The following NR2E3 variants were observed in gnomAD, a reference collection of about 807,000 sequenced individuals.
NR2E3 encodes the protein photoreceptor-specific nuclear receptor.
In NR2E3, 38 loss-of-function variants were observed where a neutral mutation model predicts 37.6. The observed-to-expected ratio is 1.01, with a 90% CI of 0.78 to 1.33. NR2E3 has a LOEUF of 1.33. NR2E3 is among the 40% of genes most tolerant of loss of function. The probability of loss-of-function intolerance (pLI) is 0.00; values close to 1 mark genes in which losing one functional copy is unlikely to be tolerated. For missense variants in NR2E3, 562 were observed against 558.7 expected (o/e 1.01, Z -0.06); for synonymous variants, 235 against 225.1 (o/e 1.04, Z -0.39).
In NR2E3 at chr15:71,818,017, AGTTCAGG is replaced by A. The variant is rs2054241088; in HGVS notation, c.*334_*340del. ...CCAGGCCGAAGTTCCATTTATGCAG[AGTTCAGG>A]AACAGGCAAGACTAATTGACAATAA... On this transcript the variant is annotated 3_prime_UTR_variant, in exon 8 of 8. Coordinates refer to ENST00000617575, the MANE Select transcript of NR2E3 (RefSeq NM_014249.4). 2.1e-5 allele frequency: 4 copies of A among 186,760 alleles called. No individual in the cohort carries two copies. In the Admixed American group the frequency reaches 2.2e-4, roughly 10 times the overall value. The allele number at this position is 186,760 out of a possible 1,614,324, so 11.6% of individuals were successfully genotyped here.
chr15:71,812,609 T>G (rs1211711897), intron 5 of NR2E3, 98 bp downstream of exon 5: 1 of 1,038,512 alleles, frequency 9.6e-7, no homozygotes, highest in Non-Finnish European at 1.4e-6. Flanking sequence ...CACGCCAGTA[T>G]GAATGCACAC....
Position 71,814,015 on chromosome 15 carries a change from C to T in NR2E3, c.998C>T (p.Thr333Met), listed in dbSNP as rs554638593. 5.3e-5 allele frequency: 86 copies of T among 1,611,078 alleles called. No homozygotes were observed. Among genetic ancestry groups the T allele is most frequent in the Middle Eastern group, 1.6e-4 (1 of 6,080 alleles). ...CACTGGTGCTGCTTCTCCCCAGAGA[C>T]GCGGGGCCTGAAGGATCCTGAGCAC... ...MKALVLFKPE[T>M]RGLKDPEHVE... The change falls in exon 7 of 8, where the codon ACG (threonine) becomes ATG (methionine). Residue 333 changes from threonine to methionine, a missense_variant. Thr to Met is a moderately conservative substitution (Grantham distance 81). Transcript: ENST00000617575.
Position 71,810,823 on chromosome 15 carries a change from A to G in NR2E3, c.80A>G (p.Glu27Gly). The change falls in exon 1 of 8, where the codon GAG (glutamate) becomes GGG (glycine). Residue 27 changes from glutamate to glycine, a missense_variant. Glu to Gly is a moderately conservative substitution (Grantham distance 98). Coordinates refer to ENST00000617575, the MANE Select transcript of NR2E3 (RefSeq NM_014249.4). ...APAAGAASRK[E>G]SPGRWGLGED... ...GCAGCTGGGGCTGCCTCCAGGAAGGAGTCTCCAGGCAGATGGGGCCTGGGG... is the reference window on the plus strand; with the variant it reads ...GCAGCTGGGGCTGCCTCCAGGAAGGGGTCTCCAGGCAGATGGGGCCTGGGG... The G allele has an allele frequency of 6.4e-7, 1 of 1,570,628 alleles. No individual in the cohort carries two copies. The highest frequency in any genetic ancestry group is 8.6e-7 in the Non-Finnish European group (1 of 1,158,222).
intron 7 of NR2E3, among the ~76,000 whole-genome samples, chr15:71,817,100 T>C (rs1287071949): frequency 1.1e-5 from 1 of 95,014 alleles, no homozygotes; most frequent in Admixed American, 1.1e-4. Context: ...TTTTCTTTTT[T>C]CTTTTTTTTT....
In NR2E3 at chr15:71,816,384, C is replaced by T. The variant is rs534855244; in HGVS notation, c.1101-1168C>T. On this transcript the variant is annotated intron_variant, in intron 7 of 7. Coordinates refer to ENST00000617575, the MANE Select transcript of NR2E3 (RefSeq NM_014249.4). ...CACGCCATTCTCCTGCCTCAGCCTC[C>T]CGAGTAGCTGGGACTACAGGCGCCC... 1.3e-3 allele frequency among the ~76,000 whole-genome samples: 196 copies of T among 151,994 alleles called. 1 individual carries two copies. The highest frequency in any genetic ancestry group is 4.5e-3 in the African/African-American group (185 of 41,438).
Position 71,811,409 on chromosome 15 carries a change from AG to A in NR2E3, c.119-71del. ...GCCTGAGGACTGGGAAAGGGACCCG[AG>A]GGAAGGAGGGGAGCGTGCAGCCCTG... On this transcript the variant is annotated intron_variant, in intron 1 of 7. Transcript: ENST00000617575. The surrounding 1 kb of genome is among the most constrained non-coding windows in gnomAD (Gnocchi z 5.6). The A allele has an allele frequency of 7.1e-7, 1 of 1,401,142 alleles. No homozygotes were observed. Among genetic ancestry groups the A allele is most frequent in the African/African-American group, 1.4e-5 (1 of 69,896 alleles). The allele number at this position is 1,401,142 out of a possible 1,614,324, so 86.8% of individuals were successfully genotyped here.
In NR2E3 at chr15:71,811,264, T is replaced by C. The variant is rs917368549; in HGVS notation, c.119-219T>C. Among the ~76,000 whole-genome samples, 4 of 149,698 alleles carry C rather than the reference T, an allele frequency of 2.7e-5. No individual in the cohort carries two copies. Among genetic ancestry groups the C allele is most frequent in the South Asian group, 2.1e-4 (1 of 4,686 alleles). ...TCGGACTCTTGCTGAAAATTGGCCA[T>C]TGAGGGAGGAGAGAGGGCAAGGAAT... is the stretch of plus-strand genomic sequence containing the variant. On this transcript the variant is annotated intron_variant, in intron 1 of 7. Transcript: ENST00000617575. This position sits in a 1 kb window ranked among gnomAD's most constrained non-coding sequence, Gnocchi z 5.6.
rs529102778 is a variant in NR2E3 at position 71,817,635 on chromosome 15, T to C, written c.1184T>C (p.Ile395Thr). Residue 395 changes from isoleucine (I) to threonine (T), a missense_variant, in exon 8 of 8, where the codon ATA becomes ACA. By Grantham distance (89) the Ile-to-Thr change is moderately conservative. Transcript: ENST00000617575. ...GAGCTCCTCTTTTTCCGCAAGACCATAGGGAATACTCCAATGGAGAAGCTC... is the reference window on the plus strand; with the variant it reads ...GAGCTCCTCTTTTTCCGCAAGACCACAGGGAATACTCCAATGGAGAAGCTC... Reference protein sequence around the residue: ...RIELLFFRKTIGNTPMEKLLC... With the variant: ...RIELLFFRKTTGNTPMEKLLC... 19 of 1,610,542 alleles carry C rather than the reference T, an allele frequency of 1.2e-5. No homozygotes were observed. The East Asian group carries it at 2.2e-4, about 19-fold the overall frequency.
intron 7 of NR2E3, among the ~76,000 whole-genome samples, chr15:71,816,703 A>G (rs2054229055): frequency 6.6e-6 from 1 of 152,186 alleles, no homozygotes; most frequent in Non-Finnish European, 1.5e-5. Context: ...TATTCTTACA[A>G]ACAATTCTTA....
At position 71,812,230 on chromosome 15, in the gene NR2E3, C is replaced by G. The variant is rs577792562; in HGVS notation, c.571+54C>G. 13 of 1,606,122 alleles carry G rather than the reference C, an allele frequency of 8.1e-6. No individual in the cohort carries two copies. In the East Asian group the frequency reaches 2.9e-4, roughly 36 times the overall value. On this transcript the variant is annotated intron_variant, in intron 4 of 7. Transcript: ENST00000617575. ...CAGGGCTTGGCTTCCCGGGTCACAGCAGGGCTGCAGCGCCTTGCCTTGATC... is the reference window on the plus strand; with the variant it reads ...CAGGGCTTGGCTTCCCGGGTCACAGGAGGGCTGCAGCGCCTTGCCTTGATC...
Position 71,817,727 on chromosome 15 carries a change from T to G in NR2E3, c.*43T>G. 1.3e-6 allele frequency: 2 copies of G among 1,549,394 alleles called. No individual in the cohort carries two copies. Among genetic ancestry groups the G allele is most frequent in the Non-Finnish European group, 1.8e-6 (2 of 1,134,076 alleles). On this transcript the variant is annotated 3_prime_UTR_variant, in exon 8 of 8. Coordinates refer to ENST00000617575, the MANE Select transcript of NR2E3 (RefSeq NM_014249.4). ...TGTTTCCAAGCACTCTGGAAAACAA[T>G]CTACTGAAACGAAACATTTGCCTAC...
intron 4 of NR2E3, 70 bp from the exon 5 acceptor site, chr15:71,812,266 C>T (rs965076640): frequency 6.1e-5 from 99 of 1,610,060 alleles, no homozygotes; most frequent in Middle Eastern, 1.6e-4. Flanking sequence ...CTCCCTCCCC[C>T]GGGGCTCCAA....
rs1381087007 is a variant in NR2E3 at position 71,813,587 on chromosome 15, G to C, written c.946G>C (p.Asp316His). 3 of 1,613,962 alleles carry C rather than the reference G, an allele frequency of 1.9e-6. No individual in the cohort carries two copies. In the South Asian group the frequency reaches 3.3e-5, roughly 18 times the overall value. The stretch of plus-strand genomic sequence containing the variant: ...CTCTCGGTTCCGGGCATTGGCGGTG[G>C]ACCCCACGGAGTTTGCCTGCATGAA... ...TISRFRALAV[D>H]PTEFACMKAL... Residue 316 changes from aspartate (D) to histidine (H), a missense_variant, in exon 6 of 8, where the codon GAC (aspartate) becomes CAC (histidine). By Grantham distance (81) the Asp-to-His change is moderately conservative (BLOSUM62 -1). Transcript: ENST00000617575. This position sits in a 1 kb window ranked among gnomAD's most constrained non-coding sequence, Gnocchi z 4.7.
At position 71,811,507 on chromosome 15, in the gene NR2E3, G is replaced by C. The variant is rs372156526; in HGVS notation, c.143G>C (p.Arg48Pro). The C allele has an allele frequency of 6.4e-7, 1 of 1,565,542 alleles. No individual in the cohort carries two copies. The highest frequency in any genetic ancestry group is 8.7e-7 in the Non-Finnish European group (1 of 1,155,738). ...PTGVSPSLQC[R>P]VCGDSSSGKH... ...GGCGTGAGCCCCTCGCTCCAGTGCC[G>C]CGTGTGCGGAGACAGCAGCAGCGGG... is the stretch of plus-strand genomic sequence containing the variant. Residue 48 changes from arginine to proline, a missense_variant, in exon 2 of 8, where the codon CGC (arginine) becomes CCC (proline). Physicochemically the swap from Arg to Pro is moderately radical, Grantham distance 103. Transcript: ENST00000617575. The surrounding 1 kb of genome is among the most constrained non-coding windows in gnomAD (Gnocchi z 5.6).
At chr15:71,812,259 C>A in intron 4 of NR2E3, 77 bp from the exon 5 acceptor site, 2 of 1,609,714 alleles carry the variant, frequency 1.2e-6, no homozygotes, top group Non-Finnish European at 1.7e-6. Flanking sequence ...CTTGATCCTC[C>A]CTCCCCCGGG....
intron 7 of NR2E3, 28 bp from the exon 8 acceptor site, chr15:71,817,524 A>G: frequency 6.4e-7 from 1 of 1,568,934 alleles, no homozygotes; most frequent in Non-Finnish European, 8.7e-7. Flanking sequence ...CTGGTCGTAA[A>G]ACTGATGGCG....
Position 71,813,542 on chromosome 15 carries a change from C to T in NR2E3, c.901C>T (p.Arg301Cys), listed in dbSNP as rs1173230402. The T allele has an allele frequency of 3.1e-6, 5 of 1,613,796 alleles. No homozygotes were observed. Among genetic ancestry groups the T allele is most frequent in the Non-Finnish European group, 4.2e-6 (5 of 1,179,806 alleles). Reference sequence around the variant, plus strand: ...GCTCACGCTGGCCAGCATGGAGACGCGTGTCCTGCAGGAAACTATCTCTCG... The same window carrying T: ...GCTCACGCTGGCCAGCATGGAGACGTGTGTCCTGCAGGAAACTATCTCTCG... ...GRLTLASMET[R>C]VLQETISRFR... The change falls in exon 6 of 8, where the codon CGT becomes TGT. Residue 301 changes from arginine to cysteine, a missense_variant. Transcript: ENST00000617575. This position sits in a 1 kb window ranked among gnomAD's most constrained non-coding sequence, Gnocchi z 4.7.
In NR2E3 at chr15:71,811,176, G is replaced by A. The variant is rs892301393; in HGVS notation, c.119-307G>A. On this transcript the variant is annotated intron_variant, in intron 1 of 7. Transcript: ENST00000617575. The surrounding 1 kb of genome is among the most constrained non-coding windows in gnomAD (Gnocchi z 5.6). ...TGGCGTTGACAAGAATGTTTCTGTG[G>A]GATGATGGAGCCTGAAGCCACCCAC... 1.3e-5 allele frequency among the ~76,000 whole-genome samples: 2 copies of A among 152,176 alleles called. No individual in the cohort carries two copies. Among genetic ancestry groups the A allele is most frequent in the African/African-American group, 2.4e-5 (1 of 41,438 alleles).
At position 71,811,880 on chromosome 15, in the gene NR2E3, G is replaced by A. The variant is rs1178665481; in HGVS notation, c.349+11G>A. 1 of 1,550,798 alleles carries A rather than the reference G, an allele frequency of 6.4e-7. No individual in the cohort carries two copies. Among genetic ancestry groups the A allele is most frequent in the Admixed American group, 2.0e-5 (1 of 51,002 alleles). ...GGATGAACCAGGACGGTGAGGCGGG[G>A]GCTGGCCCGGGGGGAGGTGACAAGA... On this transcript the variant is annotated intron_variant, in intron 3 of 7. Coordinates refer to ENST00000617575, the MANE Select transcript of NR2E3 (RefSeq NM_014249.4). The surrounding 1 kb of genome is among the most constrained non-coding windows in gnomAD (Gnocchi z 5.6).
Sources: allele counts gnomAD v4.1 joint callset (sites outside exome capture counted in the v4.1 genomes callset), GRCh38; gene constraint gnomAD v4.1.1; non-coding constraint Gnocchi (gnomAD v3.1); transcripts MANE v1.5; gene names NCBI Gene and HGNC (gene_info 2026-07-23, HGNC 2026-07-21).